The following YWHAQ variants were observed in gnomAD, a reference collection of about 807,000 sequenced individuals.
The protein encoded by YWHAQ is tyrosine 3-monooxygenase/tryptophan 5-monooxygenase activation protein theta.
In YWHAQ, 6 loss-of-function variants were observed where a neutral mutation model predicts 28.3. That is an observed-to-expected ratio of 0.21 (90% confidence interval 0.12 to 0.42). YWHAQ has a LOEUF of 0.42. YWHAQ is among the 10% of genes least tolerant of loss of function. YWHAQ has a pLI of 1.00. For synonymous variants in YWHAQ, 143 were observed against 119.1 expected, an observed-to-expected ratio of 1.20 and a Z score of -1.31; for missense variants, 201 against 305.6, an observed-to-expected ratio of 0.66 and a Z score of 2.55.
In YWHAQ at chr2:9,584,834, A is replaced by G. The variant is rs1253463332; in HGVS notation, c.*452T>C. 6.1e-6 allele frequency: 1 copy of G among 164,462 alleles called. No homozygotes were observed. The highest frequency in any genetic ancestry group is 1.3e-5 in the Non-Finnish European group (1 of 75,102). The allele number at this position is 164,462 out of a possible 1,614,324, so 10.2% of individuals were successfully genotyped here. The stretch of plus-strand genomic sequence containing the variant: ...TACTAAAAAGGAATACATTAAGAGC[A>G]TGGAAAAGTTGCTTACTGAAAGGAA... On this transcript the variant is annotated 3_prime_UTR_variant, in exon 6 of 6. Coordinates refer to ENST00000238081, the MANE Select transcript of YWHAQ (RefSeq NM_006826.4).
rs2125062907 is a variant in YWHAQ at position 9,591,457 on chromosome 2, T to C, written c.353A>G (p.Tyr118Cys). The stretch of plus-strand genomic sequence containing the variant: ...GAAGTAATCACCCTTCATTTTCAGA[T>C]AGAAGACCTTACTCTCTGGATTAGT... ...NATNPESKVFYLKMKGDYFRY... is the reference protein window; with the variant it reads ...NATNPESKVFCLKMKGDYFRY... The change falls in exon 3 of 6, where the codon TAT becomes TGT. Residue 118 changes from tyrosine to cysteine, a missense_variant. Transcript: ENST00000238081. 1 of 1,613,034 alleles carries C rather than the reference T, an allele frequency of 6.2e-7. No homozygotes were observed. The highest frequency in any genetic ancestry group is 8.5e-7 in the Non-Finnish European group (1 of 1,179,160).
At chr2:9,594,979 CTTCT>C (rs1004093671) in intron 2 of YWHAQ, among the ~76,000 whole-genome samples, 24 of 152,248 alleles carry the variant, frequency 1.6e-4, no homozygotes, top group Admixed American at 1.4e-3. Context: ...GAGCTAACCT[CTTCT>C]TTCTAAAATT....
chr2:9,629,786 T>C (rs1277826031), intron 2 of YWHAQ, among the ~76,000 whole-genome samples: 1 of 152,206 alleles, frequency 6.6e-6, no homozygotes, highest in African/African-American at 2.4e-5. Context: ...GCGCCTTCTT[T>C]CAACTGCCTG....
intron 2 of YWHAQ, among the ~76,000 whole-genome samples, chr2:9,605,113 A>T (rs1666793612): frequency 6.6e-6 from 1 of 151,292 alleles, no homozygotes; most frequent in Non-Finnish European, 1.5e-5. Context: ...CCTAAGAAAA[A>T]ATGATAGTTT....
chr2:9,622,544 C>T (rs1162093932), intron 2 of YWHAQ, among the ~76,000 whole-genome samples: 1 of 152,122 alleles, frequency 6.6e-6, no homozygotes, highest in East Asian at 1.9e-4. Context: ...TGCGCCTTGG[C>T]CCCATGCATC....
At position 9,588,314 on chromosome 2, in the gene YWHAQ, A is replaced by C; in HGVS notation, c.433T>G (p.Ser145Ala). The C allele has an allele frequency of 6.2e-7, 1 of 1,609,352 alleles. No homozygotes were observed. The highest frequency in any genetic ancestry group is 8.5e-7 in the Non-Finnish European group (1 of 1,178,900). The change falls in exon 4 of 6, where the codon TCC becomes GCC. Residue 145 changes from serine to alanine, a missense_variant. Physicochemically the swap from Ser to Ala is moderately conservative, Grantham distance 99. Around this residue, in one of 2 missense-constraint regions of YWHAQ, gnomAD observed 162 missense variants for 213.9 expected, o/e 0.76. Coordinates refer to ENST00000238081, the MANE Select transcript of YWHAQ (RefSeq NM_006826.4). The stretch of plus-strand genomic sequence containing the variant: ...AATGCCTCTTGGTAAGCTCCTTGGG[A>C]ATTATCTATCGTTTCTGTGAAGAGC... ...GDDRKQTIDN[S>A]QGAYQEAFDI...
At chr2:9,589,309 T>C (rs905244197) in intron 3 of YWHAQ, among the ~76,000 whole-genome samples, 1 of 152,146 alleles carries the variant, frequency 6.6e-6, no homozygotes, top group Admixed American at 6.6e-5. Context: ...TGGAATAATT[T>C]ACAGTGGCTC....
At chr2:9,598,220 T>G (rs1666618784) in intron 2 of YWHAQ, among the ~76,000 whole-genome samples, 1 of 152,154 alleles carries the variant, frequency 6.6e-6, no homozygotes, top group Non-Finnish European at 1.5e-5. Context: ...AAACTCAAGT[T>G]GCAAAGCCTA....
intron 2 of YWHAQ, among the ~76,000 whole-genome samples, chr2:9,600,789 T>C (rs746011829): frequency 1.4e-4 from 21 of 152,146 alleles, no homozygotes; most frequent in Non-Finnish European, 1.9e-4. Context: ...TTGTCTTATT[T>C]TAAGCAATTG....
chr2:9,607,711 C>CTT (rs34963513), intron 2 of YWHAQ, among the ~76,000 whole-genome samples: 7,926 of 128,596 alleles, frequency 0.062, 772 homozygotes, highest in African/African-American at 0.19. Flanking sequence ...AATTCTTCCT[C>CTT]TTTTTTTTTT....
Position 9,619,912 on chromosome 2 carries a change from T to C in YWHAQ, c.294+10247A>G, listed in dbSNP as rs116390438. On this transcript the variant is annotated intron_variant, in intron 2 of 5. Coordinates refer to ENST00000238081, the MANE Select transcript of YWHAQ (RefSeq NM_006826.4). ...CAACTGTAGCTTTTAAGAGCAAAAA[T>C]CCTGTGAGCTGCATTCAAGTAATGT... 8.8e-3 allele frequency among the ~76,000 whole-genome samples: 1,341 copies of C among 152,248 alleles called. 9 individuals are homozygous for C. Among genetic ancestry groups the C allele is most frequent in the Non-Finnish European group, 0.015 (1,003 of 68,016 alleles).
chr2:9,600,635 G>A (rs1281369582), intron 2 of YWHAQ, among the ~76,000 whole-genome samples: 1 of 152,048 alleles, frequency 6.6e-6, no homozygotes, highest in Non-Finnish European at 1.5e-5. Flanking sequence ...AACCCGGGAG[G>A]CAGAGGTTGT....
chr2:9,607,439 C>T (rs1666853938), intron 2 of YWHAQ, among the ~76,000 whole-genome samples: 1 of 151,226 alleles, frequency 6.6e-6, no homozygotes, highest in African/African-American at 2.4e-5. Flanking sequence ...GAACTCCTGA[C>T]CTCGTGATCC....
chr2:9,604,924 T>C (rs1016120614), intron 2 of YWHAQ, among the ~76,000 whole-genome samples: 2 of 152,190 alleles, frequency 1.3e-5, no homozygotes, highest in African/African-American at 4.8e-5. Context: ...ACAGTGTCTA[T>C]CACATAGTAG....
chr2:9,602,848 AAAAAAAAAAAAAAAATATATATATAT>A (rs1666731036), intron 2 of YWHAQ, among the ~76,000 whole-genome samples: 3 of 17,816 alleles, frequency 1.7e-4, no homozygotes, highest in Non-Finnish European at 3.8e-4. Context: ...AAAAAAAAAA[AAAAAAAAAAAAAAAATATATATATAT>A]ATATATATAT....
intron 2 of YWHAQ, among the ~76,000 whole-genome samples, chr2:9,603,868 T>C (rs966224515): frequency 1.3e-5 from 2 of 152,028 alleles, no homozygotes; most frequent in African/African-American, 4.8e-5. Context: ...GAGGTCACAG[T>C]GAGCTGAGAT....
chr2:9,627,644 T>G (rs1266417370), intron 2 of YWHAQ, among the ~76,000 whole-genome samples: 1 of 152,132 alleles, frequency 6.6e-6, no homozygotes, highest in Admixed American at 6.5e-5. Context: ...AGCCTGGGTG[T>G]AACAAGATCC....
At chr2:9,619,270 T>A (rs937819383) in intron 2 of YWHAQ, among the ~76,000 whole-genome samples, 3 of 152,186 alleles carry the variant, frequency 2.0e-5, no homozygotes, top group Non-Finnish European at 4.4e-5. Flanking sequence ...AAGGATCACC[T>A]TCCAGAGATG....
At chr2:9,587,992 T>C (rs1424569917) in intron 4 of YWHAQ, among the ~76,000 whole-genome samples, 173 bp downstream of exon 4, 1 of 152,048 alleles carries the variant, frequency 6.6e-6, no homozygotes, top group African/African-American at 2.4e-5. Context: ...TAGGGTAGAG[T>C]AAGGTGTCAG....
Sources: allele counts gnomAD v4.1 joint callset (sites outside exome capture counted in the v4.1 genomes callset), GRCh38; gene constraint gnomAD v4.1.1; regional missense constraint gnomAD v4.1.1; transcripts MANE v1.5; gene names NCBI Gene and HGNC (gene_info 2026-07-23, HGNC 2026-07-21).